USP38: variants seen among roughly 807,000 people sequenced by gnomAD.
The protein encoded by USP38 is ubiquitin specific peptidase 38.
Under a neutral mutation model 94.3 loss-of-function variants are expected in USP38, and 49 were observed. That is an observed-to-expected ratio of 0.52 (90% CI 0.41 to 0.66). The LOEUF is 0.66. Ranked by LOEUF, USP38 falls within the 30% of genes least tolerant of loss-of-function variation. The pLI is 0.00. For missense variants in USP38, 1,128 were observed against 1,229.4 expected (o/e 0.92, Z 1.23); for synonymous variants, 468 against 463.6 (o/e 1.01, Z -0.12).
chr4:143,210,583 T>C (rs1264268757), intron 7 of USP38, among the ~76,000 whole-genome samples: 2 of 149,744 alleles, frequency 1.3e-5, no homozygotes, highest in Non-Finnish European at 3.0e-5. Context: ...TGAGCCCCTG[T>C]CTCAAAAAAA....
intron 7 of USP38, among the ~76,000 whole-genome samples, chr4:143,210,863 C>A (rs1732005009): frequency 6.6e-6 from 1 of 151,734 alleles, no homozygotes; most frequent in Non-Finnish European, 1.5e-5. Context: ...TGGAAAGAAT[C>A]TAGACAGGAT....
Position 143,216,342 on chromosome 4 carries a change from G to C in USP38, c.2967+1399G>C, listed in dbSNP as rs1732180842. ...TAGATTCAATCTTAAGTTTCATATT[G>C]ACAAGTTGTTTGATGCAAGAAAAGA... On this transcript the variant is annotated intron_variant, in intron 9 of 9. Coordinates refer to ENST00000307017, the MANE Select transcript of USP38 (RefSeq NM_032557.6). Among the ~76,000 whole-genome samples, 3 of 152,122 alleles carry C rather than the reference G, an allele frequency of 2.0e-5. No individual in the cohort carries two copies. The South Asian group carries it at 6.2e-4, about 32-fold the overall frequency.
intron 1 of USP38, 71 bp from the exon 2 acceptor site, chr4:143,187,755 T>C: frequency 6.8e-7 from 1 of 1,472,124 alleles, no homozygotes; most frequent in Non-Finnish European, 9.0e-7. Flanking sequence ...TTTTTTTTTG[T>C]AAAGTGTTGT....
At chr4:143,190,152 T>C (rs982697033) in intron 2 of USP38, among the ~76,000 whole-genome samples, 1 of 152,102 alleles carries the variant, frequency 6.6e-6, no homozygotes, top group Non-Finnish European at 1.5e-5. Context: ...GGGATGAATG[T>C]ATTATAACTT....
intron 7 of USP38, among the ~76,000 whole-genome samples, chr4:143,211,914 A>G (rs1283048059): frequency 2.0e-5 from 3 of 152,210 alleles, no homozygotes; most frequent in African/African-American, 7.2e-5. Context: ...CAAAATATAT[A>G]CTAACAAAAT....
Position 143,214,707 on chromosome 4 carries a change from A to C in USP38, c.2731A>C (p.Lys911Gln). The C allele has an allele frequency of 6.2e-7, 1 of 1,613,774 alleles. No individual in the cohort carries two copies. Residue 911 changes from lysine to glutamine, a missense_variant, in exon 9 of 10, where the codon AAA (lysine) becomes CAA (glutamine). Transcript: ENST00000307017. ...GGATTTGGAAAATAAGGAAATGTCA[A>C]AAGAATGGTTTTTATTTAATGACAG... ...EQDLENKEMS[K>Q]EWFLFNDSRV...
chr4:143,204,574 A>G (rs1731808876), intron 5 of USP38: 2 of 349,166 alleles, frequency 5.7e-6, no homozygotes, highest in Non-Finnish European at 1.1e-5. Context: ...TTTTTTGTAG[A>G]GTCGGGGCCT....
Position 143,185,307 on chromosome 4 carries a change from TGC to T in USP38, c.-143_-142del. 1 of 883,048 alleles carries T rather than the reference TGC, an allele frequency of 1.1e-6. No homozygotes were observed. Among genetic ancestry groups the T allele is most frequent in the Non-Finnish European group, 1.7e-6 (1 of 595,100 alleles). The allele number at this position is 883,048 out of a possible 1,614,324, so 54.7% of individuals were successfully genotyped here. A position where few individuals can be genotyped will look rare whatever the true frequency, so the allele number is the denominator to read the frequency against. ...GGTCTCCCTGCGCCATAAATGTGGCTGCTGAGGCGGCGGTGGCCGTGGCCCGT... is the reference window on the plus strand; with the variant it reads ...GGTCTCCCTGCGCCATAAATGTGGCTTGAGGCGGCGGTGGCCGTGGCCCGT... On this transcript the variant is annotated 5_prime_UTR_variant, in exon 1 of 10. Transcript: ENST00000307017.
chr4:143,221,645 C>A lies in USP38; in HGVS notation c.*1189C>A, dbSNP rs1018020232. The A allele has an allele frequency of 3.9e-5, 6 of 152,128 alleles. No homozygotes were observed. The highest frequency in any genetic ancestry group is 7.2e-5 in the African/African-American group (3 of 41,444). The allele number at this position is 152,128 out of a possible 1,614,324, so 9.4% of individuals were successfully genotyped here. On this transcript the variant is annotated 3_prime_UTR_variant, in exon 10 of 10. Transcript: ENST00000307017. ...CCAGGAAACTGGAAACATGTCAGTT[C>A]TCCTGGTTCTTGATTATACAGTACT...
Position 143,186,059 on chromosome 4 carries a change from G to A in USP38, c.609G>A (p.Gln203=). The change falls in exon 1 of 10, where the codon CAG becomes CAA. Residue 203 remains glutamine, a synonymous_variant. Coordinates refer to ENST00000307017, the MANE Select transcript of USP38 (RefSeq NM_032557.6). ...TGACAAAAGTGAGTAACTTGCTGCAGAACATCTGGAAGGCCGAGCCTGCCA... is the reference window on the plus strand; with the variant it reads ...TGACAAAAGTGAGTAACTTGCTGCAAAACATCTGGAAGGCCGAGCCTGCCA... ...SQVTKVSNLL[Q]NIWKAEPATL... is the part of the protein sequence containing the mutation. The A allele has an allele frequency of 6.2e-7, 1 of 1,614,204 alleles. No homozygotes were observed. Among genetic ancestry groups the A allele is most frequent in the Non-Finnish European group, 8.5e-7 (1 of 1,180,030 alleles).
chr4:143,185,128 C>T lies in USP38; in HGVS notation c.-323C>T, dbSNP rs972858027. 70 of 220,276 alleles carry T rather than the reference C, an allele frequency of 3.2e-4. 1 individual carries two copies. Among genetic ancestry groups the T allele is most frequent in the African/African-American group, 1.5e-3 (66 of 43,364 alleles). 13.6% of individuals were successfully genotyped at this position (220,276 alleles called of 1,614,324 possible). A position where few individuals can be genotyped will look rare whatever the true frequency, so the allele number is the denominator to read the frequency against. ...CCGGGCCCTGAGCTCCCGCCGACGC[C>T]GCTGGGGGGCCCGACAGGCCCCTCG... On this transcript the variant is annotated 5_prime_UTR_variant, in exon 1 of 10. Transcript: ENST00000307017.
intron 3 of USP38, among the ~76,000 whole-genome samples, chr4:143,197,318 T>A (rs1019443259): frequency 2.6e-5 from 4 of 152,248 alleles, no homozygotes; most frequent in Admixed American, 6.5e-5. Flanking sequence ...GCAGATTTTT[T>A]TGCTACACAG....
chr4:143,190,727 GA>G (rs1418799658), intron 2 of USP38, among the ~76,000 whole-genome samples: 1 of 152,032 alleles, frequency 6.6e-6, no homozygotes, highest in Non-Finnish European at 1.5e-5. Flanking sequence ...CTACCTTGAA[GA>G]AATCAGGCTT....
rs1732291082 is a variant in USP38, at chr4:143,220,373, G to A, written c.3046G>A (p.Asp1016Asn). 6.2e-7 allele frequency: 1 copy of A among 1,613,402 alleles called. No homozygotes were observed. The highest frequency in any genetic ancestry group is 1.3e-5 in the African/African-American group (1 of 74,838). Reference protein sequence around the residue: ...SCSFRPNGFDDNDPPGSCGPT... With the variant: ...SCSFRPNGFDNNDPPGSCGPT... Reference sequence around the variant, plus strand: ...TTCATTTCGGCCCAATGGATTTGATGACAACGACCCACCAGGAAGCTGTGG... The same window carrying A: ...TTCATTTCGGCCCAATGGATTTGATAACAACGACCCACCAGGAAGCTGTGG... Residue 1016 changes from aspartate (D) to asparagine (N), a missense_variant, in exon 10 of 10, where the codon GAC becomes AAC. Transcript: ENST00000307017.
At chr4:143,188,383 T>G (rs1234781588) in intron 2 of USP38, among the ~76,000 whole-genome samples, 2 of 152,104 alleles carry the variant, frequency 1.3e-5, no homozygotes, top group Non-Finnish European at 2.9e-5. Context: ...CTGTTTGAAT[T>G]TTTTTTCTTT....
Position 143,221,919 on chromosome 4 carries a change from A to C in USP38, c.*1463A>C, listed in dbSNP as rs1258903863. Reference sequence around the variant, plus strand: ...ACCAGGAAGATTAGGAAGGCAGATTAGATTAAAAACTGAAAATTCTTTGCA... The same window carrying C: ...ACCAGGAAGATTAGGAAGGCAGATTCGATTAAAAACTGAAAATTCTTTGCA... On this transcript the variant is annotated 3_prime_UTR_variant, in exon 10 of 10. Transcript: ENST00000307017. 1.3e-5 allele frequency: 2 copies of C among 152,114 alleles called. No homozygotes were observed. The highest frequency in any genetic ancestry group is 4.8e-5 in the African/African-American group (2 of 41,458). The allele number at this position is 152,114 out of a possible 1,614,324, so 9.4% of individuals were successfully genotyped here.
At chr4:143,213,391 A>C (rs1732081496) in intron 8 of USP38, among the ~76,000 whole-genome samples, 190 bp from the exon 9 acceptor site, 1 of 152,180 alleles carries the variant, frequency 6.6e-6, no homozygotes, top group African/African-American at 2.4e-5. Flanking sequence ...AATATAGAGT[A>C]GTAATAGCCA....
chr4:143,209,728 C>A, intron 7 of USP38, 71 bp downstream of exon 7: 1 of 927,230 alleles, frequency 1.1e-6, no homozygotes, highest in Non-Finnish European at 1.6e-6. Context: ...TTACCTTATA[C>A]CTAACCTTTT....
chr4:143,195,708 A>G lies in USP38; in HGVS notation c.819-8A>G. On this transcript the variant is annotated splice_polypyrimidine_tract_variant and splice_region_variant and intron_variant, in intron 2 of 9. Coordinates refer to ENST00000307017, the MANE Select transcript of USP38 (RefSeq NM_032557.6). ...AATAATGATTGTTTCATTTTCCTTCAATTTCAGAATGATTGACTGGCTATC... is the reference window on the plus strand; with the variant it reads ...AATAATGATTGTTTCATTTTCCTTCGATTTCAGAATGATTGACTGGCTATC... 2.5e-6 allele frequency: 4 copies of G among 1,571,960 alleles called. No individual in the cohort carries two copies. Among genetic ancestry groups the G allele is most frequent in the Non-Finnish European group, 3.4e-6 (4 of 1,162,220 alleles).
Sources: gnomAD v4.1 joint callset for allele counts (sites outside exome capture counted in the v4.1 genomes callset) on GRCh38, gnomAD v4.1.1 for gene constraint, MANE v1.5 for transcripts, NCBI Gene and HGNC (gene_info 2026-07-23, HGNC 2026-07-21) for gene names.